MYO16: variants seen among roughly 807,000 people sequenced by gnomAD.
MYO16 encodes the protein unconventional myosin-XVI.
In MYO16, 94 loss-of-function variants were observed where a neutral mutation model predicts 205.3. That is an observed-to-expected ratio of 0.46 (90% CI 0.39 to 0.54). MYO16 has a LOEUF of 0.54. Among genes scored for constraint, MYO16 ranks in the 20% least tolerant of loss-of-function variants. The pLI, the probability that MYO16 is intolerant of heterozygous loss-of-function variation, is 0.00. For synonymous variants in MYO16, 988 were observed against 954.0 expected (o/e 1.04, Z -0.66); for missense variants, 2,315 against 2,387.5 (o/e 0.97, Z 0.63).
intron 24 of MYO16, chr13:109,048,609 C>T (rs1167694347): frequency 5.7e-6 from 2 of 352,598 alleles, no homozygotes; most frequent in East Asian, 4.2e-5. Context: ...CATGATTGCT[C>T]ACTCACTCTA....
chr13:108,943,979 G>C (rs1211950228), intron 16 of MYO16, among the ~76,000 whole-genome samples: 12 of 152,244 alleles, frequency 7.9e-5, no homozygotes, highest in Non-Finnish European at 1.0e-4. Context: ...ATGGAACTTA[G>C]TGGGAAGTGA....
intron 4 of MYO16, among the ~76,000 whole-genome samples, chr13:108,758,514 G>T (rs1223213211): frequency 2.0e-5 from 3 of 152,140 alleles, no homozygotes; most frequent in Non-Finnish European, 2.9e-5. Context: ...AAAGGGAAGA[G>T]AAAAGGAGCA....
At chr13:108,594,708 A>G (rs575424455), upstream of MYO16, among the ~76,000 whole-genome samples, 39 of 152,284 alleles carry the variant, frequency 2.6e-4, no homozygotes, top group African/African-American at 8.2e-4. Flanking sequence ...CTTTGTTGCA[A>G]TTCCTGGAGC....
intron 1 of MYO16, among the ~76,000 whole-genome samples, chr13:108,658,870 T>A (rs1566533748): frequency 6.6e-6 from 1 of 152,156 alleles, no homozygotes; most frequent in African/African-American, 2.4e-5. Flanking sequence ...CTGCAAATTG[T>A]CTGCAAGTTT....
chr13:108,546,513 A>G, the MYO16 span, among the ~76,000 whole-genome samples: 1 of 152,154 alleles, frequency 6.6e-6, no homozygotes, highest in Non-Finnish European at 1.5e-5. Flanking sequence ...CCTCCACAAT[A>G]TATTATATAC....
chr13:108,739,830 C>T (rs2139610075), intron 4 of MYO16, among the ~76,000 whole-genome samples: 1 of 152,284 alleles, frequency 6.6e-6, no homozygotes, highest in Admixed American at 6.5e-5. Context: ...AGGCTTTGTT[C>T]ATTTCTTTTT....
At chr13:109,074,086 C>T (rs1888012506) in intron 27 of MYO16, among the ~76,000 whole-genome samples, 1 of 152,086 alleles carries the variant, frequency 6.6e-6, no homozygotes, top group African/African-American at 2.4e-5. Context: ...CATGAATGGA[C>T]ATTTATTTAT....
intron 23 of MYO16, among the ~76,000 whole-genome samples, chr13:109,035,365 C>T (rs1304570254): frequency 1.3e-5 from 2 of 152,108 alleles, no homozygotes; most frequent in Non-Finnish European, 2.9e-5. Context: ...TGGCTGTTCT[C>T]AGAAGGACTG....
chr13:108,572,743 A>G, the MYO16 span, among the ~76,000 whole-genome samples: 1 of 152,138 alleles, frequency 6.6e-6, no homozygotes, highest in East Asian at 1.9e-4. Flanking sequence ...CCTCCACTTA[A>G]TGGTATGCTT....
At chr13:109,156,097 T>A (rs1878006910) in intron 32 of MYO16, among the ~76,000 whole-genome samples, 1 of 152,216 alleles carries the variant, frequency 6.6e-6, no homozygotes, top group African/African-American at 2.4e-5. Context: ...AATACAGGGT[T>A]TCAGAGAAAT....
At chr13:108,600,300 G>A (rs1878716001) in intron 1 of MYO16, among the ~76,000 whole-genome samples, 1 of 152,110 alleles carries the variant, frequency 6.6e-6, no homozygotes, top group South Asian at 2.1e-4. Flanking sequence ...TTAATTTGCT[G>A]AACTTCTCTC....
intron 12 of MYO16, among the ~76,000 whole-genome samples, chr13:108,879,532 C>A (rs1019666916): frequency 1.3e-5 from 2 of 152,094 alleles, no homozygotes; most frequent in Non-Finnish European, 1.5e-5. Flanking sequence ...CCCAGACAGG[C>A]CCCAGTGTGT....
chr13:108,673,157 C>T (rs1469378678), intron 2 of MYO16, among the ~76,000 whole-genome samples: 1 of 152,182 alleles, frequency 6.6e-6, no homozygotes, highest in Non-Finnish European at 1.5e-5. Context: ...CAACGTCATA[C>T]TGCAAAAGTG....
chr13:108,708,970 C>A (rs1338241834), intron 2 of MYO16, among the ~76,000 whole-genome samples: 1 of 152,044 alleles, frequency 6.6e-6, no homozygotes, highest in Non-Finnish European at 1.5e-5. Flanking sequence ...ATGAATGTTT[C>A]TTTTTAAATA....
At chr13:108,723,591 C>T (rs1341661807) in intron 3 of MYO16, among the ~76,000 whole-genome samples, 1 of 152,120 alleles carries the variant, frequency 6.6e-6, no homozygotes, top group East Asian at 1.9e-4. Flanking sequence ...TCTTTCTTCA[C>T]TGAATTGCCC....
chr13:109,070,947 A>C (rs189981797), intron 27 of MYO16, among the ~76,000 whole-genome samples: 1 of 152,190 alleles, frequency 6.6e-6, no homozygotes, highest in South Asian at 2.1e-4. Flanking sequence ...CCCACTTTAC[A>C]GTATTTCCAC....
intron 27 of MYO16, among the ~76,000 whole-genome samples, chr13:109,089,573 A>G (rs888152637): frequency 2.6e-5 from 4 of 152,152 alleles, no homozygotes; most frequent in Non-Finnish European, 5.9e-5. Flanking sequence ...GGTTGTCTTT[A>G]TCTTTTCAAA....
At chr13:108,813,218 T>G (rs1887348453) in intron 7 of MYO16, among the ~76,000 whole-genome samples, 2 of 152,306 alleles carry the variant, frequency 1.3e-5, no homozygotes, top group South Asian at 4.1e-4. Context: ...CAGAACTGTT[T>G]GGTTAATAAG....
upstream of MYO16, among the ~76,000 whole-genome samples, chr13:108,625,940 C>T (rs2139343421): frequency 6.6e-6 from 1 of 152,176 alleles, no homozygotes; most frequent in Non-Finnish European, 1.5e-5. Flanking sequence ...TTACATTGTC[C>T]AAATAGGTTT....
Sources: gnomAD v4.1 joint callset for allele counts (sites outside exome capture counted in the v4.1 genomes callset) on GRCh38, gnomAD v4.1.1 for gene constraint, MANE v1.5 for transcripts, NCBI Gene and HGNC (gene_info 2026-07-23, HGNC 2026-07-21) for gene names.